Variants in CTNND2 observed in about 807,000 individuals in gnomAD.
CTNND2 encodes catenin delta 2.
In CTNND2, 22 loss-of-function variants were observed where a neutral mutation model predicts 144.4. That is an observed-to-expected ratio of 0.15 (90% CI 0.11 to 0.22). The LOEUF (loss-of-function observed/expected upper bound fraction) is 0.22. Ranked by LOEUF, CTNND2 falls within the 10% of genes least tolerant of loss-of-function variation. The probability of loss-of-function intolerance (pLI) is 1.00; values close to 1 mark genes in which losing one functional copy is unlikely to be tolerated. For missense variants in CTNND2, 1,353 were observed against 1,618.8 expected (o/e 0.84, Z 2.82); for synonymous variants, 751 against 695.6 (o/e 1.08, Z -1.25).
At chr5:11,191,064 C>T (rs923415803) in intron 11 of CTNND2, among the ~76,000 whole-genome samples, 2 of 152,102 alleles carry the variant, frequency 1.3e-5, no homozygotes, top group Admixed American at 6.5e-5. Context: ...CCCATCCCAG[C>T]AGTAAAAAGA....
intron 9 of CTNND2, among the ~76,000 whole-genome samples, chr5:11,285,697 C>T (rs1747652787): frequency 6.6e-6 from 1 of 152,138 alleles, no homozygotes; most frequent in Non-Finnish European, 1.5e-5. Context: ...TGAGATACCG[C>T]TCCTTCCTTT....
chr5:11,111,546 T>G (rs1473172502), intron 13 of CTNND2, among the ~76,000 whole-genome samples: 1 of 152,212 alleles, frequency 6.6e-6, no homozygotes, highest in Admixed American at 6.5e-5. Context: ...TGAGGGGCTG[T>G]GATCACCTGG....
chr5:11,503,550 G>A (rs1770733480), intron 3 of CTNND2, among the ~76,000 whole-genome samples: 1 of 152,194 alleles, frequency 6.6e-6, no homozygotes, highest in Admixed American at 6.5e-5. Context: ...ATCAATCAAT[G>A]CATCTTCATA....
chr5:11,842,122 T>TA (rs75742721), intron 1 of CTNND2, among the ~76,000 whole-genome samples: 1,908 of 149,628 alleles, frequency 0.013, 21 homozygotes, highest in East Asian at 0.063. Context: ...CTCACAACCT[T>TA]AAAAAAAAAA....
chr5:11,641,578 A>G (rs1422570964), intron 2 of CTNND2, among the ~76,000 whole-genome samples: 1 of 140,888 alleles, frequency 7.1e-6, no homozygotes, highest in South Asian at 2.2e-4. Context: ...ATACGTGTGT[A>G]TGTATATACA....
At chr5:11,497,050 C>G (rs1159359332) in intron 3 of CTNND2, among the ~76,000 whole-genome samples, 2 of 152,096 alleles carry the variant, frequency 1.3e-5, no homozygotes, top group Non-Finnish European at 2.9e-5. Context: ...TAAACAGAAG[C>G]TCAGAAAAGC....
intron 16 of CTNND2, among the ~76,000 whole-genome samples, chr5:11,055,870 GGTT>G (rs1746302419): frequency 6.6e-6 from 1 of 152,196 alleles, no homozygotes; most frequent in African/African-American, 2.4e-5. Context: ...CCACAGGCAG[GGTT>G]GGCTCACGGT....
intron 11 of CTNND2, among the ~76,000 whole-genome samples, chr5:11,163,570 T>C (rs149732813): frequency 7.6e-4 from 116 of 152,310 alleles, no homozygotes; most frequent in African/African-American, 2.7e-3. Flanking sequence ...TCCCACTCTC[T>C]CTGTTGCTTT....
chr5:11,167,721 A>T (rs191246894), intron 11 of CTNND2, among the ~76,000 whole-genome samples: 2 of 149,880 alleles, frequency 1.3e-5, no homozygotes, highest in Non-Finnish European at 3.0e-5. Flanking sequence ...TTTCAGACAG[A>T]GTCTCACTCT....
At chr5:11,361,954 G>A (rs58801460) in intron 8 of CTNND2, among the ~76,000 whole-genome samples, 15,506 of 152,178 alleles carry the variant, frequency 0.1, 1,078 homozygotes, top group African/African-American at 0.19. Context: ...ACCTCCACCT[G>A]GTGGTCTATT....
intron 16 of CTNND2, 25 bp downstream of exon 16, chr5:11,082,671 A>G (rs757258772): frequency 3.1e-6 from 5 of 1,611,358 alleles, no homozygotes; most frequent in Non-Finnish European, 4.2e-6. Context: ...AACACTTGAG[A>G]CACTGTGAAT....
At chr5:11,389,944 A>G (rs1481480673) in intron 6 of CTNND2, among the ~76,000 whole-genome samples, 2 of 152,216 alleles carry the variant, frequency 1.3e-5, no homozygotes, top group East Asian at 3.9e-4. Context: ...AATACAAATG[A>G]ATTTTGTCTT....
At chr5:11,642,845 T>C (rs1257856502) in intron 2 of CTNND2, among the ~76,000 whole-genome samples, 3 of 152,222 alleles carry the variant, frequency 2.0e-5, no homozygotes, top group African/African-American at 4.8e-5. Flanking sequence ...TGCTAAATAA[T>C]TGCCGTGGTT....
intron 2 of CTNND2, among the ~76,000 whole-genome samples, chr5:11,647,453 C>T (rs1166746958): frequency 2.0e-5 from 3 of 151,996 alleles, no homozygotes; most frequent in Non-Finnish European, 2.9e-5. Context: ...CAACCTGTCC[C>T]TGTCATCTCC....
intron 12 of CTNND2, among the ~76,000 whole-genome samples, chr5:11,129,631 C>T (rs1408547545): frequency 6.6e-6 from 1 of 151,770 alleles, no homozygotes; most frequent in African/African-American, 2.4e-5. Context: ...TCCACTTCTG[C>T]CAGAAAAGTC....
intron 18 of CTNND2, among the ~76,000 whole-genome samples, chr5:11,004,916 G>A (rs1246275147): frequency 1.3e-5 from 2 of 152,166 alleles, no homozygotes; most frequent in African/African-American, 4.8e-5. Flanking sequence ...CTAGCACCAT[G>A]CTGAGCACAG....
chr5:11,889,290 A>G (rs1452625406), intron 1 of CTNND2, among the ~76,000 whole-genome samples: 1 of 152,214 alleles, frequency 6.6e-6, no homozygotes, highest in African/African-American at 2.4e-5. Context: ...ATTTTCAGTT[A>G]CAAACCTTCA....
At chr5:11,479,675 T>G (rs758919766) in intron 3 of CTNND2, among the ~76,000 whole-genome samples, 23 of 152,168 alleles carry the variant, frequency 1.5e-4, no homozygotes, top group Non-Finnish European at 7.3e-5. Flanking sequence ...TTTTTTGATT[T>G]CTTAATCATA....
chr5:11,290,644 A>T (rs978239567), intron 9 of CTNND2, among the ~76,000 whole-genome samples: 2 of 152,194 alleles, frequency 1.3e-5, no homozygotes, highest in Non-Finnish European at 2.9e-5. Context: ...CTATAAAAGA[A>T]TTATATGAAA....
Sources: gnomAD v4.1 joint callset for allele counts (sites outside exome capture counted in the v4.1 genomes callset) on GRCh38, gnomAD v4.1.1 for gene constraint, MANE v1.5 for transcripts, NCBI Gene and HGNC (gene_info 2026-07-23, HGNC 2026-07-21) for gene names.